CHODL: variants seen among roughly 807,000 people sequenced by gnomAD.
The protein encoded by CHODL is chondrolectin.
In CHODL, 29 loss-of-function variants were observed where a neutral mutation model predicts 34.5. That is an observed-to-expected ratio of 0.84 (90% CI 0.63 to 1.15). The LOEUF is 1.15. Among genes scored for constraint, CHODL ranks in the 50% most tolerant of loss-of-function variants. The probability of loss-of-function intolerance (pLI) is 0.00; values close to 1 mark genes in which losing one functional copy is unlikely to be tolerated. For synonymous variants in CHODL, 125 were observed against 116.1 expected (o/e 1.08, Z -0.49); for missense variants, 332 against 332.5 (o/e 1.00, Z 0.01).
intron 1 of CHODL, among the ~76,000 whole-genome samples, chr21:17,932,215 TAC>T (rs1448823003): frequency 1.3e-5 from 2 of 152,090 alleles, no homozygotes; most frequent in African/African-American, 2.4e-5. Flanking sequence ...GGCTCAACAT[TAC>T]TGATCATCAG....
At chr21:18,240,000 T>C (rs1372007768), upstream of CHODL, among the ~76,000 whole-genome samples, 3 of 152,024 alleles carry the variant, frequency 2.0e-5, no homozygotes, top group Non-Finnish European at 4.4e-5. Flanking sequence ...TTTTTTTCTT[T>C]AGTGAAATAA....
In CHODL at chr21:18,138,155, T is replaced by C. The variant is rs1374854775; in HGVS notation, c.-45+110184T>C. Among the ~76,000 whole-genome samples the C allele has an allele frequency of 3.0e-5, 3 of 98,978 alleles. No individual in the cohort carries two copies. In the East Asian group the frequency reaches 1.2e-3, roughly 40 times the overall value. 64.9% of individuals were successfully genotyped at this position (98,978 alleles called of 152,430 possible). A position where few individuals can be genotyped will look rare whatever the true frequency, so the allele number is the denominator to read the frequency against. The stretch of plus-strand genomic sequence containing the variant: ...CCAACAACTTATATCCTGACTTATC[T>C]TTTTTTTTTTTATGTATAGTAGGTC... On this transcript the variant is annotated intron_variant, in intron 2 of 6. Coordinates refer to the CHODL transcript ENST00000400127.
chr21:18,039,407 A>G (rs1276005144), intron 2 of CHODL, among the ~76,000 whole-genome samples: 1 of 151,742 alleles, frequency 6.6e-6, no homozygotes, highest in Non-Finnish European at 1.5e-5. Flanking sequence ...GCTGTTCTCT[A>G]AATCTTGTAT....
intron 2 of CHODL, among the ~76,000 whole-genome samples, chr21:18,078,138 A>C (rs158035): frequency 0.36 from 54,631 of 152,026 alleles, 12,207 homozygotes; most frequent in Non-Finnish European, 0.51. Context: ...GTCTGTTCTC[A>C]TGCTGCTAAT....
chr21:18,242,083 T>G (rs749060747), upstream of CHODL, among the ~76,000 whole-genome samples: 18 of 152,132 alleles, frequency 1.2e-4, no homozygotes, highest in Non-Finnish European at 2.6e-4. Context: ...TGGTATGAGC[T>G]GACCTGGAGC....
rs141827200 is a variant in CHODL, at chr21:17,990,049, G to A, written c.-144-37823G>A. On this transcript the variant is annotated intron_variant, in intron 1 of 6. Coordinates refer to the CHODL transcript ENST00000400127. Reference sequence around the variant, plus strand: ...TCCCTGCTGAGAAGAATAATAATCAGTATATAGGACTTTGAAAAGTCCTTT... The same window carrying A: ...TCCCTGCTGAGAAGAATAATAATCAATATATAGGACTTTGAAAAGTCCTTT... 5.3e-3 allele frequency among the ~76,000 whole-genome samples: 808 copies of A among 152,150 alleles called. 6 individuals are homozygous for A. The highest frequency in any genetic ancestry group is 0.013 in the South Asian group (62 of 4,828).
intron 5 of CHODL, among the ~76,000 whole-genome samples, chr21:18,265,381 G>A (rs1406317449): frequency 6.6e-6 from 1 of 151,718 alleles, no homozygotes; most frequent in Non-Finnish European, 1.5e-5. Flanking sequence ...AGCGACCTGG[G>A]TAATACTGGA....
At chr21:18,256,183 T>C (rs1446111840) in intron 1 of CHODL, among the ~76,000 whole-genome samples, 2 of 152,174 alleles carry the variant, frequency 1.3e-5, no homozygotes, top group Non-Finnish European at 2.9e-5. Context: ...CACTTTACTA[T>C]ACACTCCTGA....
intron 1 of CHODL, among the ~76,000 whole-genome samples, chr21:17,978,949 C>T (rs2063693012): frequency 6.6e-6 from 1 of 152,086 alleles, no homozygotes; most frequent in Non-Finnish European, 1.5e-5. Flanking sequence ...ACATGAGTTC[C>T]TGCATCTCAG....
intron 2 of CHODL, chr21:18,028,023 T>C (rs2064195006): frequency 6.6e-6 from 1 of 152,368 alleles, no homozygotes; most frequent in South Asian, 2.1e-4. Context: ...CATACTGTTA[T>C]AGGAGCTCAA....
At chr21:18,017,842 A>C (rs571189721) in intron 1 of CHODL, among the ~76,000 whole-genome samples, 2 of 152,350 alleles carry the variant, frequency 1.3e-5, no homozygotes, top group African/African-American at 4.8e-5. Flanking sequence ...ACAGGCACTC[A>C]ACAACCTATG....
chr21:18,172,373 G>C (rs1159012307), intron 2 of CHODL, among the ~76,000 whole-genome samples: 1 of 152,112 alleles, frequency 6.6e-6, no homozygotes, highest in African/African-American at 2.4e-5. Flanking sequence ...ATATTTCTCT[G>C]GGAATAAGAC....
intron 1 of CHODL, among the ~76,000 whole-genome samples, chr21:17,992,509 A>G (rs1170813764): frequency 6.6e-6 from 1 of 152,084 alleles, no homozygotes; most frequent in Admixed American, 6.6e-5. Context: ...TTTTCACTGT[A>G]GAGATATTTC....
At chr21:18,095,318 G>A (rs942175932) in intron 2 of CHODL, among the ~76,000 whole-genome samples, 1 of 151,816 alleles carries the variant, frequency 6.6e-6, no homozygotes, top group African/African-American at 2.4e-5. Flanking sequence ...AGATGAGAAA[G>A]GAGACATTAC....
chr21:18,008,283 G>A (rs561215324), intron 1 of CHODL, among the ~76,000 whole-genome samples: 2 of 147,960 alleles, frequency 1.4e-5, no homozygotes, highest in Admixed American at 6.8e-5. Context: ...GACACTAAAC[G>A]TTTTTATAAT....
chr21:18,179,349 C>A (rs181302248), intron 2 of CHODL, among the ~76,000 whole-genome samples: 1 of 152,290 alleles, frequency 6.6e-6, no homozygotes, highest in South Asian at 2.1e-4. Context: ...CAGAATACCA[C>A]CTTGAAATCA....
At chr21:18,228,788 C>A (rs545256032) in intron 2 of CHODL, among the ~76,000 whole-genome samples, 2 of 152,228 alleles carry the variant, frequency 1.3e-5, no homozygotes, top group South Asian at 4.1e-4. Flanking sequence ...TTCATCTTAA[C>A]TAAAAGTGTT....
At chr21:18,166,040 G>A (rs1468421373) in intron 2 of CHODL, among the ~76,000 whole-genome samples, 1 of 152,154 alleles carries the variant, frequency 6.6e-6, no homozygotes, top group Non-Finnish European at 1.5e-5. Context: ...CTCTACTCAG[G>A]GTTTCGTAAA....
chr21:17,973,255 C>T, intron 1 of CHODL, among the ~76,000 whole-genome samples: 1 of 151,962 alleles, frequency 6.6e-6, no homozygotes, highest in East Asian at 1.9e-4. Context: ...ACTAAAACAC[C>T]AAAAGCAATG....
Sources: allele counts gnomAD v4.1 joint callset (sites outside exome capture counted in the v4.1 genomes callset), GRCh38; gene constraint gnomAD v4.1.1; transcripts MANE v1.5; gene names NCBI Gene and HGNC (gene_info 2026-07-23, HGNC 2026-07-21).